The following ZBTB20 variants were observed in gnomAD, a reference collection of about 807,000 sequenced individuals.
ZBTB20 encodes the protein zinc finger and BTB domain containing 20.
In ZBTB20, 9 loss-of-function variants were observed where a neutral mutation model predicts 56.9. That is an observed-to-expected ratio of 0.16 (90% CI 0.10 to 0.28). The LOEUF (loss-of-function observed/expected upper bound fraction) is 0.28, where lower values mean the gene tolerates loss of function less well. Ranked by LOEUF, ZBTB20 falls within the 10% of genes least tolerant of loss-of-function variation. ZBTB20 has a pLI of 1.00. For synonymous variants in ZBTB20, 417 were observed against 420.7 expected (o/e 0.99, Z 0.11); for missense variants, 655 against 1,003.0 (o/e 0.65, Z 4.69).
chr3:114,479,971 T>C (rs1000870583), intron 7 of ZBTB20, among the ~76,000 whole-genome samples: 1 of 152,232 alleles, frequency 6.6e-6, no homozygotes, highest in Non-Finnish European at 1.5e-5. Context: ...ACCTTGATGG[T>C]ACAATGATGT....
chr3:114,415,785 C>T (rs962535726), intron 7 of ZBTB20, among the ~76,000 whole-genome samples: 5 of 151,980 alleles, frequency 3.3e-5, no homozygotes, highest in Non-Finnish European at 5.9e-5. Context: ...AAACGTGGGT[C>T]TCACTGACAT....
chr3:114,763,224 A>C (rs2068556288), intron 5 of ZBTB20, among the ~76,000 whole-genome samples: 1 of 152,176 alleles, frequency 6.6e-6, no homozygotes, highest in African/African-American at 2.4e-5. Context: ...AAGTTTTCTC[A>C]GAGTACTTTA....
chr3:114,731,329 T>C (rs1014785933), intron 5 of ZBTB20, among the ~76,000 whole-genome samples: 2 of 152,184 alleles, frequency 1.3e-5, no homozygotes, highest in Non-Finnish European at 2.9e-5. Context: ...TGCTACGTCA[T>C]TCATGACTAG....
At chr3:114,384,469 GAAAA>G (rs547229153) in intron 8 of ZBTB20, among the ~76,000 whole-genome samples, 2 of 135,072 alleles carry the variant, frequency 1.5e-5, no homozygotes, top group Admixed American at 1.5e-4. Context: ...TTCAAAAAAA[GAAAA>G]AAAAAAAAGG....
At chr3:115,117,387 T>C (rs1397198937) in intron 1 of ZBTB20, among the ~76,000 whole-genome samples, 1 of 152,108 alleles carries the variant, frequency 6.6e-6, no homozygotes, top group African/African-American at 2.4e-5. Context: ...ACCACTTTGA[T>C]TACTCCAGCT....
Position 114,536,947 on chromosome 3 carries a change from C to T in ZBTB20, c.-294-36556G>A, listed in dbSNP as rs1004513554. 5.9e-5 allele frequency among the ~76,000 whole-genome samples: 9 copies of T among 151,844 alleles called. No homozygotes were observed. The East Asian group carries it at 1.7e-3, about 29-fold the overall frequency. ...AACTGGCTAGCCCTATGCAGAAAAC[C>T]GAAACTGGACCCCTTCCTTACACCT... is the stretch of plus-strand genomic sequence containing the variant. On this transcript the variant is annotated intron_variant, in intron 6 of 11. Transcript: ENST00000675478.
rs896408568 is a variant in ZBTB20, at chr3:114,334,652, C to A, written c.*4353G>T. ...AAACCCTTATGACTTTTAAACACAG[C>A]AAACCCAAGTCTTTCTAAGGCCAAG... is the stretch of plus-strand genomic sequence containing the variant. On this transcript the variant is annotated 3_prime_UTR_variant, in exon 12 of 12. Transcript: ENST00000675478. The A allele has an allele frequency of 6.6e-6, 1 of 152,140 alleles. No individual in the cohort carries two copies. The highest frequency in any genetic ancestry group is 1.5e-5 in the Non-Finnish European group (1 of 68,022). The allele number at this position is 152,140 out of a possible 1,614,324, so 9.4% of individuals were successfully genotyped here.
chr3:114,551,932 T>G (rs1298278060), intron 6 of ZBTB20, among the ~76,000 whole-genome samples: 2 of 152,164 alleles, frequency 1.3e-5, no homozygotes, highest in Non-Finnish European at 2.9e-5. Flanking sequence ...CAGCTAAAAA[T>G]ATAGTGGCGG....
chr3:115,114,471 C>T (rs1009611985), intron 1 of ZBTB20, among the ~76,000 whole-genome samples: 1 of 152,008 alleles, frequency 6.6e-6, no homozygotes, highest in Non-Finnish European at 1.5e-5. Context: ...TAGTAAATTT[C>T]CATCTTCAGA....
Position 114,335,387 on chromosome 3 carries a change from A to G in ZBTB20, c.*3618T>C, listed in dbSNP as rs1234625002. 1 of 152,170 alleles carries G rather than the reference A, an allele frequency of 6.6e-6. No homozygotes were observed. The highest frequency in any genetic ancestry group is 1.5e-5 in the Non-Finnish European group (1 of 68,028). 9.4% of individuals were successfully genotyped at this position (152,170 alleles called of 1,614,324 possible). ...ACAAAAAAAAATTAAAAAGATCCAC[A>G]CTCATTCTTTGATTTTGAAGCAAAT... is the stretch of plus-strand genomic sequence containing the variant. On this transcript the variant is annotated 3_prime_UTR_variant, in exon 12 of 12. Transcript: ENST00000675478.
intron 7 of ZBTB20, among the ~76,000 whole-genome samples, chr3:114,467,226 T>A (rs1312947383): frequency 1.3e-5 from 2 of 152,098 alleles, no homozygotes; most frequent in African/African-American, 4.8e-5. Context: ...AGTACCAGAG[T>A]CTACAGGCCA....
At chr3:114,441,957 C>T (rs2090960668) in intron 7 of ZBTB20, among the ~76,000 whole-genome samples, 1 of 151,912 alleles carries the variant, frequency 6.6e-6, no homozygotes, top group African/African-American at 2.4e-5. Flanking sequence ...TACAAACACA[C>T]AAGGAAAGCA....
rs533518030 is a variant in ZBTB20 at position 114,584,829 on chromosome 3, G to A, written c.-294-84438C>T. Among the ~76,000 whole-genome samples, 6 of 152,192 alleles carry A rather than the reference G, an allele frequency of 3.9e-5. No individual in the cohort carries two copies. In the East Asian group the frequency reaches 9.7e-4, roughly 25 times the overall value. ...AAGTACGAGAATGCAAGTTTTTTGCGTCAATATTTAAATCAGACAAAACAC... is the reference window on the plus strand; with the variant it reads ...AAGTACGAGAATGCAAGTTTTTTGCATCAATATTTAAATCAGACAAAACAC... On this transcript the variant is annotated intron_variant, in intron 6 of 11. Transcript: ENST00000675478.
intron 1 of ZBTB20, among the ~76,000 whole-genome samples, chr3:115,090,674 T>C (rs1576755028): frequency 6.6e-6 from 1 of 151,890 alleles, no homozygotes. Context: ...AGAGCAGTAA[T>C]GCCAATAAAT....
At chr3:115,101,167 T>C (rs2083570439) in intron 1 of ZBTB20, among the ~76,000 whole-genome samples, 1 of 152,160 alleles carries the variant, frequency 6.6e-6, no homozygotes. Flanking sequence ...ACAACAGAAA[T>C]AAATCCCATA....
At chr3:114,791,406 G>T (rs1216111105) in intron 5 of ZBTB20, among the ~76,000 whole-genome samples, 1 of 152,112 alleles carries the variant, frequency 6.6e-6, no homozygotes, top group African/African-American at 2.4e-5. Context: ...TCACTGACAA[G>T]TTTTTCAGGT....
At chr3:115,104,517 AATGAG>A (rs1172027922) in intron 1 of ZBTB20, among the ~76,000 whole-genome samples, 9 of 152,200 alleles carry the variant, frequency 5.9e-5, no homozygotes, top group African/African-American at 2.2e-4. Context: ...GCTAAAACGA[AATGAG>A]ATATCAAGCC....
At chr3:114,726,369 T>A (rs1196580710) in intron 5 of ZBTB20, among the ~76,000 whole-genome samples, 1 of 152,210 alleles carries the variant, frequency 6.6e-6, no homozygotes, top group South Asian at 2.1e-4. Context: ...AAATCACTTG[T>A]AGTTTCTGGT....
chr3:114,698,366 T>C (rs1319488723), intron 5 of ZBTB20, among the ~76,000 whole-genome samples: 6 of 152,138 alleles, frequency 3.9e-5, no homozygotes, highest in African/African-American at 1.4e-4. Context: ...ACAATATTCA[T>C]AAAGAAATTT....
Sources: allele counts gnomAD v4.1 joint callset (sites outside exome capture counted in the v4.1 genomes callset), GRCh38; gene constraint gnomAD v4.1.1; transcripts MANE v1.5; gene names NCBI Gene and HGNC (gene_info 2026-07-23, HGNC 2026-07-21).